LPIN1: variants seen among roughly 807,000 people sequenced by gnomAD.
LPIN1 encodes lipin 1, also known as phosphatidate phosphatase LPIN1.
A neutral mutation model predicts 107.5 loss-of-function variants in LPIN1; 71 were observed. That is an observed-to-expected ratio of 0.66 (90% CI 0.55 to 0.80). LPIN1 has a LOEUF of 0.80. Ranked by LOEUF, LPIN1 falls within the 30% of genes least tolerant of loss-of-function variation. The probability of loss-of-function intolerance (pLI) is 0.00; values close to 1 mark genes in which losing one functional copy is unlikely to be tolerated. For missense variants in LPIN1, 1,043 were observed against 1,160.6 expected, an observed-to-expected ratio of 0.90 and a Z score of 1.47; for synonymous variants, 445 against 452.6, an observed-to-expected ratio of 0.98 and a Z score of 0.21.
intron 6 of LPIN1, among the ~76,000 whole-genome samples, chr2:11,778,557 G>A (rs1445048817): frequency 6.6e-6 from 1 of 152,198 alleles, no homozygotes; most frequent in African/African-American, 2.4e-5. Context: ...AGAAGCATCA[G>A]TTTCCGAAGA....
chr2:11,696,774 G>A (rs1176163974), intron 1 of LPIN1, among the ~76,000 whole-genome samples: 1 of 152,244 alleles, frequency 6.6e-6, no homozygotes, highest in Admixed American at 6.5e-5. Context: ...ACTGATCCCA[G>A]CAGTGGCCCG....
chr2:11,798,583 A>G (rs976164408), intron 14 of LPIN1, among the ~76,000 whole-genome samples: 19 of 152,224 alleles, frequency 1.2e-4, no homozygotes, highest in Admixed American at 6.5e-5. Context: ...CATCAAATAG[A>G]AACAGCTGGA....
intron 1 of LPIN1, among the ~76,000 whole-genome samples, chr2:11,753,740 CG>C (rs1668235316): frequency 6.6e-6 from 1 of 152,174 alleles, no homozygotes; most frequent in Non-Finnish European, 1.5e-5. Flanking sequence ...TCCTCTTTGC[CG>C]TAAGTGTAAA....
chr2:11,801,121 T>C (rs1490820652), intron 14 of LPIN1, among the ~76,000 whole-genome samples: 1 of 152,184 alleles, frequency 6.6e-6, no homozygotes, highest in Non-Finnish European at 1.5e-5. Context: ...CTCACAAGGA[T>C]GTGGATAGAA....
chr2:11,779,775 G>T lies in LPIN1; in HGVS notation c.957+130G>T, dbSNP rs75762554. 1.1e-3 allele frequency: 1,207 copies of T among 1,052,238 alleles called. 14 individuals carry two copies. The African/African-American group carries it at 0.018, about 15-fold the overall frequency. The allele number at this position is 1,052,238 out of a possible 1,614,324, so 65.2% of individuals were successfully genotyped here. On this transcript the variant is annotated intron_variant, in intron 7 of 20. Coordinates refer to ENST00000674199, the MANE Select transcript of LPIN1 (RefSeq NM_001349206.2). ...CAGAGGTAAACCAAAATATATTAAG[G>T]GTTAGCCTTGAATGTTGGAATTACT...
intron 1 of LPIN1, among the ~76,000 whole-genome samples, chr2:11,688,357 C>T (rs776450225): frequency 6.6e-6 from 1 of 152,180 alleles, no homozygotes; most frequent in Non-Finnish European, 1.5e-5. Context: ...GAAGTAACCT[C>T]CCAGAGCTAC....
At chr2:11,820,317 A>G (rs1681295611) in intron 19 of LPIN1, 94 bp from the exon 20 acceptor site, 1 of 817,384 alleles carries the variant, frequency 1.2e-6, no homozygotes, top group Non-Finnish European at 2.1e-6. Flanking sequence ...GTTAATGAAA[A>G]TTTGATATCT....
At position 11,805,141 on chromosome 2, in the gene LPIN1, A is replaced by G. The variant is rs749214739; in HGVS notation, c.2234A>G (p.Tyr745Cys). The G allele has an allele frequency of 6.2e-7, 1 of 1,613,894 alleles. No individual in the cohort carries two copies. The highest frequency in any genetic ancestry group is 8.5e-7 in the Non-Finnish European group (1 of 1,179,798). Residue 745 changes from tyrosine (Y) to cysteine (C), a missense_variant, in exon 17 of 21, where the codon TAC becomes TGC. Coordinates refer to ENST00000674199, the MANE Select transcript of LPIN1 (RefSeq NM_001349206.2). The stretch of plus-strand genomic sequence containing the variant: ...ACCCATCAGGGCATCGCTAAGCTGT[A>G]CCATAAAGTGAGCCAGTGAGTACAG... The part of the protein sequence containing the change: ...DWTHQGIAKL[Y>C]HKVSQNGYKF...
intron 1 of LPIN1, among the ~76,000 whole-genome samples, chr2:11,754,892 C>T (rs938120601): frequency 1.1e-4 from 16 of 152,172 alleles, no homozygotes; most frequent in Admixed American, 9.2e-4. Context: ...AAACTGTTTG[C>T]AGTGAATTTT....
intron 1 of LPIN1, among the ~76,000 whole-genome samples, chr2:11,678,145 GT>G (rs1360311308): frequency 6.6e-6 from 1 of 152,178 alleles, no homozygotes; most frequent in Non-Finnish European, 1.5e-5. Context: ...CCCCTCCAAT[GT>G]GGTCATTTAA....
At chr2:11,737,698 G>A (rs1287991735) in intron 1 of LPIN1, among the ~76,000 whole-genome samples, 1 of 152,136 alleles carries the variant, frequency 6.6e-6, no homozygotes, top group Non-Finnish European at 1.5e-5. Context: ...ACCATCTCAC[G>A]CCAGTTAGAA....
intron 1 of LPIN1, among the ~76,000 whole-genome samples, chr2:11,713,574 C>A (rs1378672242): frequency 6.6e-6 from 1 of 152,132 alleles, no homozygotes; most frequent in South Asian, 2.1e-4. Flanking sequence ...CCCGGTCACA[C>A]ATTCTTCTTC....
chr2:11,698,434 C>T (rs1662697150), intron 1 of LPIN1, among the ~76,000 whole-genome samples: 1 of 152,196 alleles, frequency 6.6e-6, no homozygotes, highest in Non-Finnish European at 1.5e-5. Context: ...GAACAGCACA[C>T]AGTAGCAGGG....
chr2:11,754,116 G>T (rs1668306804), intron 1 of LPIN1, among the ~76,000 whole-genome samples: 1 of 152,166 alleles, frequency 6.6e-6, no homozygotes, highest in Non-Finnish European at 1.5e-5. Flanking sequence ...AGGGTGCCAG[G>T]GGTGGTCATT....
chr2:11,784,199 G>T (rs558977345), intron 9 of LPIN1: 1 of 795,148 alleles, frequency 1.3e-6, no homozygotes, highest in South Asian at 1.8e-5. Context: ...AGCTACTCGG[G>T]AGGCTGAGGC....
intron 1 of LPIN1, among the ~76,000 whole-genome samples, chr2:11,753,471 G>A (rs1366830754): frequency 6.6e-6 from 1 of 152,212 alleles, no homozygotes; most frequent in Admixed American, 6.5e-5. Flanking sequence ...GCTCCTCAAG[G>A]CACTCTGGCC....
intron 1 of LPIN1, among the ~76,000 whole-genome samples, chr2:11,760,466 G>A (rs559545968): frequency 5.9e-5 from 9 of 152,352 alleles, no homozygotes; most frequent in East Asian, 5.8e-4. Context: ...GATCACTCCC[G>A]ATTAGGAGCT....
At chr2:11,756,897 T>C (rs1038567973) in intron 1 of LPIN1, among the ~76,000 whole-genome samples, 11 of 152,190 alleles carry the variant, frequency 7.2e-5, no homozygotes, top group African/African-American at 2.7e-4. Context: ...CTCAGAAAAT[T>C]TGTATTATTT....
At chr2:11,812,563 AT>A (rs1679857341) in intron 17 of LPIN1, among the ~76,000 whole-genome samples, 1 of 152,200 alleles carries the variant, frequency 6.6e-6, no homozygotes, top group Admixed American at 6.5e-5. Context: ...GAGGAACGGC[AT>A]GGGCAAGTGC....
Sources: allele counts gnomAD v4.1 joint callset (sites outside exome capture counted in the v4.1 genomes callset), GRCh38; gene constraint gnomAD v4.1.1; transcripts MANE v1.5; gene names NCBI Gene and HGNC (gene_info 2026-07-23, HGNC 2026-07-21).